MAD2L2: variants seen among roughly 807,000 people sequenced by gnomAD.
The protein encoded by MAD2L2 is mitotic arrest deficient 2 like 2.
MAD2L2 carries 17 observed loss-of-function variants against 30.5 expected under a neutral mutation model. That is an observed-to-expected ratio of 0.56 (90% CI 0.38 to 0.84). The LOEUF (loss-of-function observed/expected upper bound fraction) is 0.84. Ranked by LOEUF, MAD2L2 falls within the 40% of genes least tolerant of loss-of-function variation. The probability of loss-of-function intolerance (pLI) is 0.00; values close to 1 mark genes in which losing one functional copy is unlikely to be tolerated. For synonymous variants in MAD2L2, 101 were observed against 113.9 expected, an observed-to-expected ratio of 0.89 and a Z score of 0.72; for missense variants, 213 against 277.4, an observed-to-expected ratio of 0.77 and a Z score of 1.65.
chr1:11,677,120 C>T (rs1289634432), intron 4 of MAD2L2, 172 bp from the exon 5 acceptor site: 1 of 654,058 alleles, frequency 1.5e-6, no homozygotes. Context: ...AAGCCGGCAC[C>T]CTCCAGCATG....
Position 11,679,090 on chromosome 1 carries a change from G to T in MAD2L2, c.159+1263C>A, listed in dbSNP as rs1362744490. 3.9e-5 allele frequency among the ~76,000 whole-genome samples: 6 copies of T among 152,216 alleles called. No homozygotes were observed. The East Asian group carries it at 1.2e-3, about 29-fold the overall frequency. On this transcript the variant is annotated intron_variant, in intron 3 of 8. Transcript: ENST00000376692. Reference sequence around the variant, plus strand: ...GAGGCAGGAGAATCACTTGAACCCAGGAGGTGGAGGTTGCAGTGAGCCAAG... The same window carrying T: ...GAGGCAGGAGAATCACTTGAACCCATGAGGTGGAGGTTGCAGTGAGCCAAG...
At chr1:11,675,565 G>C in intron 7 of MAD2L2, 93 bp downstream of exon 7, 1 of 1,230,850 alleles carries the variant, frequency 8.1e-7, no homozygotes, top group Non-Finnish European at 1.2e-6. Flanking sequence ...CAATGTAATG[G>C]GTGGCTGGCC....
Position 11,674,941 on chromosome 1 carries a change from G to A in MAD2L2, c.595-125C>T, listed in dbSNP as rs1640731247. 7.6e-7 allele frequency: 1 copy of A among 1,313,102 alleles called. No homozygotes were observed. Among genetic ancestry groups the A allele is most frequent in the South Asian group, 1.3e-5 (1 of 79,536 alleles). The allele number at this position is 1,313,102 out of a possible 1,614,324, so 81.3% of individuals were successfully genotyped here. On this transcript the variant is annotated intron_variant, in intron 8 of 8. Coordinates refer to ENST00000376692, the MANE Select transcript of MAD2L2 (RefSeq NM_006341.4). This position sits in a 1 kb window ranked among gnomAD's most constrained non-coding sequence, Gnocchi z 6.1. The stretch of plus-strand genomic sequence containing the variant: ...GGGCCTCGTGGCCATAGCCATGGTG[G>A]AGAAGAGTAGAGATGGGAGGAGCCC...
upstream of MAD2L2, among the ~76,000 whole-genome samples, chr1:11,682,964 G>A (rs1291098448): frequency 3.3e-5 from 5 of 152,142 alleles, no homozygotes; most frequent in Admixed American, 6.5e-5. Context: ...ACAGAGTTCC[G>A]TGGCTCCTTG....
In MAD2L2 at chr1:11,687,194, T is replaced by C. The variant is rs1005731913; in HGVS notation, c.-692+4219A>G. Among the ~76,000 whole-genome samples the C allele has an allele frequency of 2.0e-5, 3 of 152,126 alleles. No homozygotes were observed. Among genetic ancestry groups the C allele is most frequent in the African/African-American group, 7.2e-5 (3 of 41,446 alleles). On this transcript the variant is annotated intron_variant, in intron 1 of 10. Transcript: ENST00000235310. This position sits in a 1 kb window ranked among gnomAD's most constrained non-coding sequence, Gnocchi z 4.1. ...GATCCTCCCACCTCAGCCTCCCCAA[T>C]AGCTGGGGCTACAGGTGTGCACCAT...
At chr1:11,682,215 T>G (rs1439174763), upstream of MAD2L2, among the ~76,000 whole-genome samples, 1 of 152,152 alleles carries the variant, frequency 6.6e-6, no homozygotes, top group Admixed American at 6.5e-5. Flanking sequence ...TGATGCCTCT[T>G]CTGACACCAG....
In MAD2L2 at chr1:11,690,829, G is replaced by A. The variant is rs191603499; in HGVS notation, c.-692+584C>T. Among the ~76,000 whole-genome samples, 1 of 152,264 alleles carries A rather than the reference G, an allele frequency of 6.6e-6. No individual in the cohort carries two copies. Among genetic ancestry groups the A allele is most frequent in the African/African-American group, 2.4e-5 (1 of 41,556 alleles). On this transcript the variant is annotated intron_variant, in intron 1 of 10. Coordinates refer to the MAD2L2 transcript ENST00000235310. The surrounding 1 kb of genome is among the most constrained non-coding windows in gnomAD (Gnocchi z 4.2). ...AGGACACGGCGCCCCGCGCGGTGAT[G>A]GATGAGCCGGCCCCAGCGCTGGCTT...
Position 11,676,142 on chromosome 1 carries a change from T to C in MAD2L2, c.333-2A>G. On this transcript the variant is annotated splice_acceptor_variant, in intron 5 of 8. Coordinates refer to ENST00000376692, the MANE Select transcript of MAD2L2 (RefSeq NM_006341.4). LOFTEE classifies it high-confidence loss of function. ...ACATGAGACAACAGCGAGTCTGAGCTGGGAGTGAGAGGAGGTCTTCCCATC... is the reference window on the plus strand; with the variant it reads ...ACATGAGACAACAGCGAGTCTGAGCCGGGAGTGAGAGGAGGTCTTCCCATC... 8 of 1,588,990 alleles carry C rather than the reference T, an allele frequency of 5.0e-6. No homozygotes were observed. Among genetic ancestry groups the C allele is most frequent in the Non-Finnish European group, 6.9e-6 (8 of 1,164,668 alleles).
At chr1:11,675,209 G>GCAGGC in intron 7 of MAD2L2, 35 bp from the exon 8 acceptor site, 5 of 1,467,040 alleles carry the variant, frequency 3.4e-6, no homozygotes, top group Non-Finnish European at 4.7e-6. Context: ...GGGTGACGGG[G>GCAGGC]CTGGGCCCTG....
At position 11,681,020 on chromosome 1, in the gene MAD2L2, CT is replaced by C. The variant is rs753497816; in HGVS notation, c.-13+18del. On this transcript the variant is annotated intron_variant, in intron 1 of 8. Coordinates refer to ENST00000376692, the MANE Select transcript of MAD2L2 (RefSeq NM_006341.4). ...TCCCTCCCGGCGGGAATCCCGCCCCCTCTCCCCTCCCCCAGTACCGGCTCTG... is the reference window on the plus strand; with the variant it reads ...TCCCTCCCGGCGGGAATCCCGCCCCCCTCCCCTCCCCCAGTACCGGCTCTG... 2.3e-4 allele frequency: 36 copies of C among 156,698 alleles called. No homozygotes were observed. The highest frequency in any genetic ancestry group is 4.2e-4 in the Non-Finnish European group (30 of 71,208). 9.7% of individuals were successfully genotyped at this position (156,698 alleles called of 1,614,324 possible). A position where few individuals can be genotyped will look rare whatever the true frequency, so the allele number is the denominator to read the frequency against.
intron 6 of MAD2L2, 85 bp downstream of exon 6, chr1:11,675,961 C>T: frequency 1.7e-6 from 2 of 1,180,776 alleles, no homozygotes; most frequent in Non-Finnish European, 1.3e-6. Context: ...AGTCTCAGAA[C>T]AGCCAAACAT....
upstream of MAD2L2, among the ~76,000 whole-genome samples, chr1:11,685,514 C>A (rs1162483847): frequency 6.6e-6 from 1 of 152,206 alleles, no homozygotes; most frequent in African/African-American, 2.4e-5. Context: ...CTGCTTCTCT[C>A]CCCAACACTG....
rs1640795092 is a variant in MAD2L2, at chr1:11,677,701, C to T, written c.160-87G>A. On this transcript the variant is annotated intron_variant, in intron 3 of 8. Transcript: ENST00000376692. ...AACCAGGAGCCTAAGGCCCCATCTG[C>T]CTTCGGTCCGAGGCCCAGCAGCTCT... is the stretch of plus-strand genomic sequence containing the variant. 3 of 1,129,474 alleles carry T rather than the reference C, an allele frequency of 2.7e-6. No individual in the cohort carries two copies. In the East Asian group the frequency reaches 7.4e-5, roughly 28 times the overall value. The allele number at this position is 1,129,474 out of a possible 1,614,324, so 70.0% of individuals were successfully genotyped here. A position where few individuals can be genotyped will look rare whatever the true frequency, so the allele number is the denominator to read the frequency against.
chr1:11,689,575 G>T (rs1232122557), intron 1 of MAD2L2, among the ~76,000 whole-genome samples: 1 of 152,000 alleles, frequency 6.6e-6, no homozygotes, highest in African/African-American at 2.4e-5. Context: ...CAGCCTGGGT[G>T]AGAGCAAGAC....
rs1367873025 is a variant in MAD2L2 at position 11,681,095 on chromosome 1, C to G, written c.-69G>C. On this transcript the variant is annotated 5_prime_UTR_variant, in exon 1 of 9. Coordinates refer to ENST00000376692, the MANE Select transcript of MAD2L2 (RefSeq NM_006341.4). ...GGCCCGGCCCCGCCGCGGGGAGCCACCGACCGGACCGATCGCGCCTCCCGC... is the reference window on the plus strand; with the variant it reads ...GGCCCGGCCCCGCCGCGGGGAGCCAGCGACCGGACCGATCGCGCCTCCCGC... The G allele has an allele frequency of 6.6e-6, 1 of 152,590 alleles. No individual in the cohort carries two copies. Among genetic ancestry groups the G allele is most frequent in the Admixed American group, 6.5e-5 (1 of 15,292 alleles). 9.5% of individuals were successfully genotyped at this position (152,590 alleles called of 1,614,324 possible).
intron 3 of MAD2L2, 77 bp from the exon 4 acceptor site, chr1:11,677,691 GC>G: frequency 8.1e-7 from 1 of 1,229,044 alleles, no homozygotes. Flanking sequence ...GGAGCCTAAG[GC>G]CCCATCTGCC....
chr1:11,686,299 C>T (rs1477322566), intron 1 of MAD2L2, among the ~76,000 whole-genome samples: 1 of 152,188 alleles, frequency 6.6e-6, no homozygotes, highest in Non-Finnish European at 1.5e-5. Flanking sequence ...GTCCCAGATC[C>T]CAGGGTTCAC....
chr1:11,679,215 T>C (rs28924099), intron 3 of MAD2L2, among the ~76,000 whole-genome samples: 11,354 of 152,188 alleles, frequency 0.075, 556 homozygotes, highest in African/African-American at 0.14. Flanking sequence ...GCTGACTACC[T>C]CAAGTAATGT....
rs1333336452 is a variant in MAD2L2 at position 11,687,137 on chromosome 1, C to T, written c.-692+4276G>A. ...CTGGAGTGCAGTGACGCAATCACAG[C>T]TCACTGAAGCCTCAACCTCCTGGGC... On this transcript the variant is annotated intron_variant, in intron 1 of 10. Coordinates refer to the MAD2L2 transcript ENST00000235310. The surrounding 1 kb of genome is among the most constrained non-coding windows in gnomAD (Gnocchi z 4.1). Among the ~76,000 whole-genome samples the T allele has an allele frequency of 6.6e-6, 1 of 152,200 alleles. No homozygotes were observed. Among genetic ancestry groups the T allele is most frequent in the Non-Finnish European group, 1.5e-5 (1 of 68,042 alleles).
Sources: gnomAD v4.1 joint callset for allele counts (sites outside exome capture counted in the v4.1 genomes callset) on GRCh38, gnomAD v4.1.1 for gene constraint, Gnocchi (gnomAD v3.1) non-coding constraint, MANE v1.5 for transcripts, NCBI Gene and HGNC (gene_info 2026-07-23, HGNC 2026-07-21) for gene names.